The following TAFA4 variants were observed in gnomAD, a reference collection of about 807,000 sequenced individuals.
TAFA4 encodes chemokine-like protein TAFA-4.
Under a neutral mutation model 21.1 loss-of-function variants are expected in TAFA4, and 20 were observed. That is an observed-to-expected ratio of 0.95 (90% CI 0.67 to 1.38). The LOEUF (loss-of-function observed/expected upper bound fraction) is 1.38. Ranked by LOEUF, TAFA4 falls within the 40% of genes most tolerant of loss-of-function variation. The pLI, the probability that TAFA4 is intolerant of heterozygous loss-of-function variation, is 0.00. For synonymous variants in TAFA4, 71 were observed against 67.4 expected (o/e 1.05, Z -0.26); for missense variants, 211 against 180.9 (o/e 1.17, Z -0.95).
intron 3 of TAFA4, among the ~76,000 whole-genome samples, chr3:68,805,136 G>A (rs1390859803): frequency 1.3e-5 from 2 of 152,080 alleles, no homozygotes; most frequent in Non-Finnish European, 2.9e-5. Flanking sequence ...ATCAAAAAGT[G>A]GGCAAAGGAT....
chr3:68,812,560 A>G (rs1193439049), intron 3 of TAFA4, among the ~76,000 whole-genome samples: 4 of 152,100 alleles, frequency 2.6e-5, no homozygotes, highest in Non-Finnish European at 4.4e-5. Context: ...AACCAACAAA[A>G]ATAAGAAGAG....
At chr3:68,776,996 G>T (rs1280654551) in intron 3 of TAFA4, among the ~76,000 whole-genome samples, 1 of 151,814 alleles carries the variant, frequency 6.6e-6, no homozygotes, top group Non-Finnish European at 1.5e-5. Context: ...ACCAACAAAA[G>T]CTAAATAAAT....
chr3:68,867,036 T>G (rs1157558650), intron 3 of TAFA4, among the ~76,000 whole-genome samples: 2 of 151,858 alleles, frequency 1.3e-5, no homozygotes, highest in Non-Finnish European at 2.9e-5. Flanking sequence ...ACAGAAAAAT[T>G]TCCAAACCTA....
intron 3 of TAFA4, among the ~76,000 whole-genome samples, chr3:68,788,627 TA>T (rs1287727163): frequency 6.6e-6 from 1 of 151,994 alleles, no homozygotes; most frequent in Non-Finnish European, 1.5e-5. Flanking sequence ...ATTTTTTTTT[TA>T]AGAGACAGGG....
At position 68,900,081 on chromosome 3, in the gene TAFA4, CAAA is replaced by C. The variant is rs3048091; in HGVS notation, c.-122-14774_-122-14772del. Among the ~76,000 whole-genome samples the C allele has an allele frequency of 3.0e-4, 41 of 137,824 alleles. 1 individual carries two copies. Among genetic ancestry groups the C allele is most frequent in the Admixed American group, 5.0e-4 (7 of 13,994 alleles). The allele number at this position is 137,824 out of a possible 152,430, so 90.4% of individuals were successfully genotyped here. A position where few individuals can be genotyped will look rare whatever the true frequency, so the allele number is the denominator to read the frequency against. ...TGGCAAAACCCTGTCTCTACACACA[CAAA>C]AAAAAAAAAAAAACACAAAAATTAG... is the stretch of plus-strand genomic sequence containing the variant. On this transcript the variant is annotated intron_variant, in intron 1 of 5. Transcript: ENST00000295569.
chr3:68,854,373 T>G (rs1705020270), intron 3 of TAFA4, among the ~76,000 whole-genome samples: 1 of 152,062 alleles, frequency 6.6e-6, no homozygotes, highest in African/African-American at 2.4e-5. Context: ...GACTACAGAC[T>G]TTATTCTAAG....
intron 3 of TAFA4, among the ~76,000 whole-genome samples, chr3:68,775,944 G>A (rs1262303708): frequency 2.0e-5 from 3 of 152,024 alleles, no homozygotes; most frequent in African/African-American, 7.2e-5. Flanking sequence ...TGACCCAGAA[G>A]ACAATGGAGC....
chr3:68,893,422 A>G (rs1248521641), intron 1 of TAFA4, among the ~76,000 whole-genome samples: 1 of 152,208 alleles, frequency 6.6e-6, no homozygotes, highest in Non-Finnish European at 1.5e-5. Flanking sequence ...TGCTAGTATA[A>G]TATCTTGCAT....
intron 2 of TAFA4, among the ~76,000 whole-genome samples, chr3:68,882,216 A>G (rs900135325): frequency 6.6e-6 from 1 of 152,074 alleles, no homozygotes; most frequent in Non-Finnish European, 1.5e-5. Context: ...TTAATCTTTC[A>G]TTTATGTGAT....
intron 3 of TAFA4, among the ~76,000 whole-genome samples, chr3:68,830,103 G>T (rs559063667): frequency 6.6e-6 from 1 of 151,854 alleles, no homozygotes; most frequent in Non-Finnish European, 1.5e-5. Context: ...TCTTGCTAAC[G>T]GTCTATCAAT....
chr3:68,752,809 T>G, intron 4 of TAFA4, 54 bp downstream of exon 4: 1 of 1,611,166 alleles, frequency 6.2e-7, no homozygotes, highest in African/African-American at 1.3e-5. Flanking sequence ...GGGAAATTCC[T>G]GGTGGGTTTT....
chr3:68,909,837 G>A (rs555313928), intron 1 of TAFA4, among the ~76,000 whole-genome samples: 4 of 152,162 alleles, frequency 2.6e-5, no homozygotes, highest in Non-Finnish European at 5.9e-5. Flanking sequence ...GCCTGCGTGT[G>A]GCTTATCTAG....
At chr3:68,813,242 C>G (rs541350384) in intron 3 of TAFA4, among the ~76,000 whole-genome samples, 5 of 151,998 alleles carry the variant, frequency 3.3e-5, no homozygotes, top group African/African-American at 4.8e-5. Flanking sequence ...AAAATTGACA[C>G]CCTAACATCA....
chr3:68,907,794 C>T (rs1469065081), intron 1 of TAFA4, among the ~76,000 whole-genome samples: 1 of 152,156 alleles, frequency 6.6e-6, no homozygotes, highest in East Asian at 1.9e-4. Context: ...TCTAAAGAAT[C>T]CAGGAGAATA....
Position 68,902,040 on chromosome 3 carries a change from A to G in TAFA4, c.-122-16730T>C, listed in dbSNP as rs555554483. 8.1e-4 allele frequency among the ~76,000 whole-genome samples: 123 copies of G among 152,222 alleles called. 1 individual carries two copies. The highest frequency in any genetic ancestry group is 1.2e-3 in the Non-Finnish European group (81 of 68,040). On this transcript the variant is annotated intron_variant, in intron 1 of 5. Transcript: ENST00000295569. ...ATTAATAACAGCAGCAGTTAAAATC[A>G]TTTCTAGAGCCTATATAAGAACTCT...
chr3:68,803,890 C>T (rs1374521498), intron 3 of TAFA4, among the ~76,000 whole-genome samples: 2 of 140,964 alleles, frequency 1.4e-5, no homozygotes, highest in African/African-American at 2.7e-5. Context: ...CGGCAACCTC[C>T]ACCTCCCAGG....
intron 3 of TAFA4, among the ~76,000 whole-genome samples, chr3:68,782,962 C>A (rs1703178845): frequency 6.6e-6 from 1 of 152,036 alleles, no homozygotes. Context: ...TATGTAATGA[C>A]CAAGTAAGGT....
intron 3 of TAFA4, among the ~76,000 whole-genome samples, chr3:68,781,424 T>A (rs1367814654): frequency 6.6e-6 from 1 of 151,930 alleles, no homozygotes; most frequent in African/African-American, 2.4e-5. Flanking sequence ...GTATTACCAA[T>A]ATTAATAACA....
intron 2 of TAFA4, among the ~76,000 whole-genome samples, chr3:68,883,824 C>A (rs2089643032): frequency 6.6e-6 from 1 of 151,960 alleles, no homozygotes; most frequent in South Asian, 2.1e-4. Flanking sequence ...TCCCAGCACA[C>A]TGGGAGACCG....
Sources: allele counts gnomAD v4.1 joint callset (sites outside exome capture counted in the v4.1 genomes callset), GRCh38; gene constraint gnomAD v4.1.1; transcripts MANE v1.5; gene names NCBI Gene and HGNC (gene_info 2026-07-23, HGNC 2026-07-21).